The following KMT2C variants were observed in gnomAD, a reference collection of about 807,000 sequenced individuals.
KMT2C encodes lysine methyltransferase 2C.
KMT2C carries 88 observed loss-of-function variants against 507.9 expected under a neutral mutation model. The observed-to-expected ratio is 0.17, with a 90% CI of 0.15 to 0.21. The LOEUF (loss-of-function observed/expected upper bound fraction) is 0.21. KMT2C is among the 10% of genes least tolerant of loss of function. KMT2C has a pLI of 1.00. For synonymous variants in KMT2C, 2,049 were observed against 2,080.8 expected (o/e 0.98, Z 0.42); for missense variants, 4,954 against 5,957.8 (o/e 0.83, Z 5.55).
intron 10 of KMT2C, 42 bp from the exon 11 acceptor site, chr7:152,252,132 A>C (rs1317255180): frequency 1.7e-5 from 25 of 1,433,278 alleles, no homozygotes; most frequent in Non-Finnish European, 2.4e-5. Flanking sequence ...TCTAACATCG[A>C]GTTATTATCT....
rs760955374 is a variant in KMT2C, at chr7:152,187,836, G to A, written c.4672C>T (p.Arg1558Trp). The stretch of plus-strand genomic sequence containing the variant: ...ATAAGGCCATTCATGAGAGGCATCC[G>A]TGAAAAAGCATCTTCAGAGAAAAAA... ...LPIHNQDAFS[R>W]MPLMNGLIGS... Residue 1558 changes from arginine (R) to tryptophan (W), a missense_variant, in exon 32 of 59, where the codon CGG becomes TGG. Coordinates refer to ENST00000262189, the MANE Select transcript of KMT2C (RefSeq NM_170606.3). The A allele has an allele frequency of 8.7e-6, 14 of 1,612,238 alleles. No individual in the cohort carries two copies. Among genetic ancestry groups the A allele is most frequent in the East Asian group, 4.5e-5 (2 of 44,874 alleles).
intron 2 of KMT2C, among the ~76,000 whole-genome samples, chr7:152,334,514 T>C (rs1033203447): frequency 6.6e-6 from 1 of 152,144 alleles, no homozygotes; most frequent in African/African-American, 2.4e-5. Context: ...TTCTATGCTT[T>C]CCAAGTTTTA....
rs964542604 is a variant in KMT2C at position 152,134,932 on chromosome 7, T to C, written c.*1900A>G. 9.2e-6 allele frequency: 2 copies of C among 216,288 alleles called. No homozygotes were observed. The highest frequency in any genetic ancestry group is 3.7e-4 in the South Asian group (2 of 5,370). The allele number at this position is 216,288 out of a possible 1,614,324, so 13.4% of individuals were successfully genotyped here. ...AGAAGCTCTAGGCAGCTCTTATAGA[T>C]GTAAAATATTTTATTTGTAAATGGT... On this transcript the variant is annotated 3_prime_UTR_variant, in exon 59 of 59. Transcript: ENST00000262189.
At chr7:152,400,569 A>ATCCCTTCAAAAC (rs2061615133) in intron 1 of KMT2C, among the ~76,000 whole-genome samples, 6 of 152,216 alleles carry the variant, frequency 3.9e-5, no homozygotes, top group Admixed American at 3.9e-4. Flanking sequence ...CACTGGAGCA[A>ATCCCTTCAAAAC]TCCCTTCAAA....
chr7:152,385,226 C>A (rs1171186155), intron 1 of KMT2C, among the ~76,000 whole-genome samples: 3 of 152,060 alleles, frequency 2.0e-5, no homozygotes, highest in Non-Finnish European at 4.4e-5. Flanking sequence ...ATTTCTTTAA[C>A]AAATAAATTG....
intron 7 of KMT2C, 103 bp downstream of exon 7, chr7:152,273,602 A>G: frequency 3.1e-6 from 4 of 1,274,652 alleles, no homozygotes; most frequent in Non-Finnish European, 4.2e-6. Flanking sequence ...ATGTATTATT[A>G]CCTTTTAATA....
In KMT2C at chr7:152,148,071, C is replaced by T. The variant is rs766263288; in HGVS notation, c.13856G>A (p.Gly4619Asp). Residue 4619 changes from glycine (G) to aspartate (D), a missense_variant, in exon 52 of 59, where the codon GGC (glycine) becomes GAC (aspartate). Gly to Asp is a moderately conservative substitution (Grantham distance 94). Around this residue, in one of 29 missense-constraint regions of KMT2C, gnomAD observed 221 missense variants for 304.7 expected, o/e 0.73. Transcript: ENST00000262189. This position sits in a 1 kb window ranked among gnomAD's most constrained non-coding sequence, Gnocchi z 7.1. ...PVFVIRIVEQ[G>D]HEDLVLSDIS... ...GTCACTTAGAACCAGGTCTTCATGGCCTTGTTCCACAATCCTGATGACAAA... is the reference window on the plus strand; with the variant it reads ...GTCACTTAGAACCAGGTCTTCATGGTCTTGTTCCACAATCCTGATGACAAA... 1.0e-5 allele frequency: 16 copies of T among 1,601,088 alleles called. No homozygotes were observed. Among genetic ancestry groups the T allele is most frequent in the Middle Eastern group, 1.7e-4 (1 of 6,020 alleles).
intron 23 of KMT2C, among the ~76,000 whole-genome samples, chr7:152,218,288 C>T (rs544928397): frequency 5.9e-5 from 9 of 152,184 alleles, no homozygotes; most frequent in South Asian, 2.1e-4. Flanking sequence ...CTCTGCCTCC[C>T]GAGTAGCTGG....
intron 6 of KMT2C, among the ~76,000 whole-genome samples, chr7:152,277,223 C>T (rs199907552): frequency 6.6e-6 from 1 of 152,086 alleles, no homozygotes; most frequent in Non-Finnish European, 1.5e-5. Context: ...TATTATAAGG[C>T]TCCCCATGCT....
At position 152,150,612 on chromosome 7, in the gene KMT2C, C is replaced by T. The variant is rs1436852441; in HGVS notation, c.12774+288G>A. ...CTGTGGGACCAGAATGAGACTCCAT[C>T]TCAAAAAAAAATTAAACTGGTAAAA... On this transcript the variant is annotated intron_variant, in intron 51 of 58. Coordinates refer to ENST00000262189, the MANE Select transcript of KMT2C (RefSeq NM_170606.3). 2.0e-5 allele frequency among the ~76,000 whole-genome samples: 3 copies of T among 151,748 alleles called. No homozygotes were observed. In the East Asian group the frequency reaches 5.8e-4, roughly 29 times the overall value.
At chr7:152,186,967 G>T (rs1004084268) in intron 33 of KMT2C, among the ~76,000 whole-genome samples, 1 of 152,084 alleles carries the variant, frequency 6.6e-6, no homozygotes, top group Non-Finnish European at 1.5e-5. Context: ...TTGGGTTCTA[G>T]AAATTTTTTA....
At chr7:152,408,807 G>C (rs1432959264) in intron 1 of KMT2C, among the ~76,000 whole-genome samples, 3 of 140,822 alleles carry the variant, frequency 2.1e-5, no homozygotes, top group African/African-American at 8.3e-5. Context: ...AAACTACAAG[G>C]TTTTGTTAAA....
At chr7:152,329,964 T>C (rs1589231635) in intron 3 of KMT2C, among the ~76,000 whole-genome samples, 2 of 151,776 alleles carry the variant, frequency 1.3e-5, no homozygotes, top group Middle Eastern at 3.4e-3. Context: ...GCCAACATGG[T>C]GAAACCCTGT....
chr7:152,395,903 T>C (rs566552864), intron 1 of KMT2C, among the ~76,000 whole-genome samples: 2 of 152,342 alleles, frequency 1.3e-5, no homozygotes, highest in East Asian at 3.9e-4. Context: ...TAGCCAATTA[T>C]ATAAAAATAT....
intron 3 of KMT2C, among the ~76,000 whole-genome samples, chr7:152,323,566 G>C (rs976251367): frequency 1.3e-5 from 2 of 150,710 alleles, no homozygotes; most frequent in Non-Finnish European, 3.0e-5. Flanking sequence ...CTGAGCCCAG[G>C]AAGTTGAGAC....
chr7:152,205,235 A>C lies in KMT2C; in HGVS notation c.3842-10T>G, dbSNP rs1404423599. ...ATAAATCCACCAATACCTATCCAAAAAAGAAATTAGGTAAACTGATAAGTA... is the reference window on the plus strand; with the variant it reads ...ATAAATCCACCAATACCTATCCAAACAAGAAATTAGGTAAACTGATAAGTA... On this transcript the variant is annotated splice_polypyrimidine_tract_variant and intron_variant, in intron 24 of 58. Transcript: ENST00000262189. 3 of 1,610,116 alleles carry C rather than the reference A, an allele frequency of 1.9e-6. No individual in the cohort carries two copies. The highest frequency in any genetic ancestry group is 2.5e-6 in the Non-Finnish European group (3 of 1,178,380).
rs1297219867 is a variant in KMT2C at position 152,248,331 on chromosome 7, G to A, written c.2103C>T (p.Ser701=). The stretch of plus-strand genomic sequence containing the variant: ...ATAATGAAATACTTTCCTCATGTGG[G>A]GACACTAAGGTTTCTAGTGGAAGAG... The part of the protein sequence containing the change: ...SVTLPLETLV[S]PHEESISLCP... Residue 701 remains serine, a synonymous_variant, in exon 14 of 59, where the codon TCC becomes TCT. Transcript: ENST00000262189. 2 of 1,613,610 alleles carry A rather than the reference G, an allele frequency of 1.2e-6. No homozygotes were observed. Among genetic ancestry groups the A allele is most frequent in the African/African-American group, 1.3e-5 (1 of 74,848 alleles).
chr7:152,400,407 A>T (rs1265305045), intron 1 of KMT2C, among the ~76,000 whole-genome samples: 1 of 152,230 alleles, frequency 6.6e-6, no homozygotes, highest in Non-Finnish European at 1.5e-5. Flanking sequence ...GGAGAAGAAA[A>T]CACATCTGGA....
At chr7:152,234,748 A>T (rs1419479543) in intron 16 of KMT2C, among the ~76,000 whole-genome samples, 1 of 152,106 alleles carries the variant, frequency 6.6e-6, no homozygotes, top group Admixed American at 6.5e-5. Context: ...CAAAAATTTT[A>T]AAAAAGGAGT....
Sources: gnomAD v4.1 joint callset for allele counts (sites outside exome capture counted in the v4.1 genomes callset) on GRCh38, gnomAD v4.1.1 for gene constraint, gnomAD v4.1.1 regional missense constraint, Gnocchi (gnomAD v3.1) non-coding constraint, MANE v1.5 for transcripts, NCBI Gene and HGNC (gene_info 2026-07-23, HGNC 2026-07-21) for gene names.